GAPVD1: variants seen among roughly 807,000 people sequenced by gnomAD.
GAPVD1 encodes the protein GTPase-activating protein and VPS9 domain-containing protein 1.
A neutral mutation model predicts 155.5 loss-of-function variants in GAPVD1; 35 were observed. That is an observed-to-expected ratio of 0.23 (90% confidence interval 0.17 to 0.30). GAPVD1 has a LOEUF of 0.30. Among genes scored for constraint, GAPVD1 ranks in the 10% least tolerant of loss-of-function variants. GAPVD1 has a pLI of 1.00. For missense variants in GAPVD1, 1,429 were observed against 1,775.7 expected, an observed-to-expected ratio of 0.80 and a Z score of 3.51; for synonymous variants, 636 against 619.7, an observed-to-expected ratio of 1.03 and a Z score of -0.39.
At chr9:125,341,298 C>A in intron 18 of GAPVD1, 34 bp downstream of exon 18, 3 of 1,015,744 alleles carry the variant, frequency 3.0e-6, no homozygotes, top group Non-Finnish European at 4.6e-6. Flanking sequence ...GCTGTATTAG[C>A]AATAAGAAGC....
chr9:125,319,601 CTTTTTTTTT>C (rs777202943), intron 9 of GAPVD1, among the ~76,000 whole-genome samples: 1 of 121,516 alleles, frequency 8.2e-6, no homozygotes, highest in African/African-American at 3.0e-5. Context: ...GAAAAAAAAA[CTTTTTTTTT>C]TTTTTTTTTG....
At chr9:125,358,509 A>C (rs1405517103) in intron 25 of GAPVD1, among the ~76,000 whole-genome samples, 3 of 151,842 alleles carry the variant, frequency 2.0e-5, no homozygotes, top group African/African-American at 7.3e-5. Context: ...ACTGTGCCTG[A>C]CTCCCAGGGG....
chr9:125,299,077 A>C lies in GAPVD1; in HGVS notation c.156A>C (p.Arg52Ser). 1 of 1,601,526 alleles carries C rather than the reference A, an allele frequency of 6.2e-7. No homozygotes were observed. The highest frequency in any genetic ancestry group is 8.5e-7 in the Non-Finnish European group (1 of 1,175,148). ...CAGCATGGATTGCGAAGCAACAGAG[A>C]ATCAATTTGGATCGGCTTATCATAA... ...YRTAWIAKQQRINLDRLIITS... is the reference protein window; with the variant it reads ...YRTAWIAKQQSINLDRLIITS... The change falls in exon 4 of 28, where the codon AGA (arginine) becomes AGC (serine). Residue 52 changes from arginine (R) to serine (S), a missense_variant. This residue lies in a region of GAPVD1 where 628 missense variants were observed against 733.4 expected (regional missense o/e 0.86). Transcript: ENST00000297933.
At chr9:125,289,714 A>G (rs1446097498) in intron 2 of GAPVD1, among the ~76,000 whole-genome samples, 3 of 152,136 alleles carry the variant, frequency 2.0e-5, no homozygotes, top group African/African-American at 4.8e-5. Flanking sequence ...AGGCAGTTGC[A>G]TATATGGATT....
At position 125,307,775 on chromosome 9, in the gene GAPVD1, C is replaced by T; in HGVS notation, c.1336C>T (p.Pro446Ser). 6.2e-7 allele frequency: 1 copy of T among 1,613,840 alleles called. No individual in the cohort carries two copies. The highest frequency in any genetic ancestry group is 2.2e-5 in the East Asian group (1 of 44,886). The change falls in exon 8 of 28, where the codon CCG becomes TCG. Residue 446 changes from proline (P) to serine (S), a missense_variant. Coordinates refer to ENST00000297933, the MANE Select transcript of GAPVD1 (RefSeq NM_001282680.3). ...TGACAATTTATTGGCAAACCTACCCCCGGCCAAGCCAGGAAAAAGTAGCAG... is the reference window on the plus strand; with the variant it reads ...TGACAATTTATTGGCAAACCTACCCTCGGCCAAGCCAGGAAAAAGTAGCAG... Reference protein sequence around the residue: ...ALDNLLANLPPAKPGKSSSLE... With the variant: ...ALDNLLANLPSAKPGKSSSLE...
chr9:125,272,287 G>T (rs1261261584), intron 2 of GAPVD1, among the ~76,000 whole-genome samples: 1 of 152,148 alleles, frequency 6.6e-6, no homozygotes, highest in Non-Finnish European at 1.5e-5. Context: ...CTCCCAAAGT[G>T]CTGGGATTAC....
intron 12 of GAPVD1, among the ~76,000 whole-genome samples, chr9:125,327,765 A>G (rs947896034): frequency 2.0e-5 from 3 of 152,250 alleles, no homozygotes; most frequent in Admixed American, 6.5e-5. Context: ...CGGCCTCCCA[A>G]AGTGCTGGGA....
intron 1 of GAPVD1, among the ~76,000 whole-genome samples, chr9:125,267,182 T>C (rs1207822590): frequency 1.3e-5 from 2 of 152,210 alleles, no homozygotes; most frequent in African/African-American, 4.8e-5. Context: ...CTGTTAACAT[T>C]TTGCCATGTT....
chr9:125,329,948 C>T, intron 12 of GAPVD1, 130 bp from the exon 13 acceptor site: 1 of 637,178 alleles, frequency 1.6e-6, no homozygotes, highest in Non-Finnish European at 2.7e-6. Context: ...TCCCAAAGTG[C>T]TGGGATTACA....
intron 15 of GAPVD1, among the ~76,000 whole-genome samples, chr9:125,336,548 A>G (rs1008034512): frequency 6.6e-6 from 1 of 152,188 alleles, no homozygotes; most frequent in Non-Finnish European, 1.5e-5. Context: ...AGGTCTCACC[A>G]TCTTGCCCAG....
chr9:125,349,036 G>T (rs1848931548), intron 20 of GAPVD1, among the ~76,000 whole-genome samples: 2 of 152,164 alleles, frequency 1.3e-5, no homozygotes, highest in South Asian at 2.1e-4. Context: ...TAAAATGAGG[G>T]TATAAAATGA....
intron 21 of GAPVD1, 152 bp downstream of exon 21, chr9:125,349,671 G>A: frequency 1.5e-6 from 1 of 687,168 alleles, no homozygotes; most frequent in Non-Finnish European, 2.4e-6. Context: ...TGTTTCAGTT[G>A]TAGATGTTAT....
At chr9:125,301,373 G>A (rs571117646) in intron 4 of GAPVD1, among the ~76,000 whole-genome samples, 2 of 151,870 alleles carry the variant, frequency 1.3e-5, no homozygotes, top group South Asian at 4.1e-4. Context: ...CCTTCCTGTA[G>A]CTAATTTTAA....
chr9:125,271,625 A>C (rs989211303), intron 2 of GAPVD1, among the ~76,000 whole-genome samples: 1 of 152,104 alleles, frequency 6.6e-6, no homozygotes, highest in African/African-American at 2.4e-5. Context: ...ATCTTGGCTC[A>C]CTGCAACCTC....
intron 15 of GAPVD1, among the ~76,000 whole-genome samples, chr9:125,332,884 T>G (rs2131839883): frequency 6.6e-6 from 1 of 152,312 alleles, no homozygotes; most frequent in African/African-American, 2.4e-5. Flanking sequence ...TAATGTTTTG[T>G]ATTGGCAGAA....
intron 2 of GAPVD1, among the ~76,000 whole-genome samples, chr9:125,272,768 A>G (rs1835124871): frequency 6.6e-6 from 1 of 152,206 alleles, no homozygotes; most frequent in South Asian, 2.1e-4. Context: ...ATGAATATGT[A>G]TACTTTTTAT....
At chr9:125,357,268 C>T (rs1257075247) in intron 25 of GAPVD1, among the ~76,000 whole-genome samples, 1 of 152,088 alleles carries the variant, frequency 6.6e-6, no homozygotes, top group African/African-American at 2.4e-5. Context: ...AATATATGCT[C>T]ATTATATATT....
chr9:125,319,845 T>C (rs563431358), intron 9 of GAPVD1, among the ~76,000 whole-genome samples: 3 of 152,274 alleles, frequency 2.0e-5, no homozygotes, highest in African/African-American at 7.2e-5. Flanking sequence ...TCCACCGGCC[T>C]TGACCTCCCA....
chr9:125,296,708 C>T (rs561282178), intron 3 of GAPVD1, among the ~76,000 whole-genome samples: 24 of 139,346 alleles, frequency 1.7e-4, no homozygotes, highest in Non-Finnish European at 3.0e-4. Context: ...GTTGCCCATG[C>T]TGGAGTGCAG....
Sources: allele counts gnomAD v4.1 joint callset (sites outside exome capture counted in the v4.1 genomes callset), GRCh38; gene constraint gnomAD v4.1.1; regional missense constraint gnomAD v4.1.1; transcripts MANE v1.5; gene names NCBI Gene and HGNC (gene_info 2026-07-23, HGNC 2026-07-21).